The following TRIOBP variants were observed in gnomAD, a reference collection of about 807,000 sequenced individuals.
TRIOBP encodes TRIO and F-actin-binding protein.
Under a neutral mutation model 238.8 loss-of-function variants are expected in TRIOBP, and 169 were observed. The observed-to-expected ratio is 0.71, with a 90% confidence interval of 0.62 to 0.80. TRIOBP has a LOEUF of 0.80. TRIOBP is among the 30% of genes least tolerant of loss of function. The probability of loss-of-function intolerance (pLI) is 0.00; values close to 1 mark genes in which losing one functional copy is unlikely to be tolerated. For missense variants in TRIOBP, 2,838 were observed against 3,122.6 expected, an observed-to-expected ratio of 0.91 and a Z score of 2.17; for synonymous variants, 1,150 against 1,274.4, an observed-to-expected ratio of 0.90 and a Z score of 2.08.
intron 9 of TRIOBP, among the ~76,000 whole-genome samples, chr22:37,735,847 T>A (rs773472909): frequency 9.9e-5 from 15 of 152,238 alleles, no homozygotes; most frequent in Non-Finnish European, 1.8e-4. Context: ...GGCCAGGGCC[T>A]ATTCCCCTCC....
intron 3 of TRIOBP, among the ~76,000 whole-genome samples, chr22:37,707,012 A>T (rs1388417755): frequency 6.6e-6 from 1 of 152,128 alleles, no homozygotes; most frequent in Non-Finnish European, 1.5e-5. Flanking sequence ...TCACGCCTGT[A>T]ATCCCAGCAC....
Position 37,723,172 on chromosome 22 carries a change from C to T in TRIOBP, c.629-13C>T, listed in dbSNP as rs1195157360. On this transcript the variant is annotated splice_polypyrimidine_tract_variant and intron_variant, in intron 6 of 23. Transcript: ENST00000644935. The stretch of plus-strand genomic sequence containing the variant: ...CTCTCCCCTTACCTTGAGCCCCTCT[C>T]TTCTCTCTCCAGACACCGGCGGTGG... 1 of 1,613,690 alleles carries T rather than the reference C, an allele frequency of 6.2e-7. No individual in the cohort carries two copies. The highest frequency in any genetic ancestry group is 8.5e-7 in the Non-Finnish European group (1 of 1,179,808).
Position 37,713,199 on chromosome 22 carries a change from T to C in TRIOBP, c.255-11T>C, listed in dbSNP as rs200624451. The C allele has an allele frequency of 6.7e-5, 108 of 1,611,370 alleles. No homozygotes were observed. Among genetic ancestry groups the C allele is most frequent in the Non-Finnish European group, 8.7e-5 (103 of 1,178,992 alleles). On this transcript the variant is annotated splice_polypyrimidine_tract_variant and intron_variant, in intron 4 of 23. Coordinates refer to ENST00000644935, the MANE Select transcript of TRIOBP (RefSeq NM_001039141.3). ...CTCCCCATTACTTTTTGGGTCTGTCTCCTCTCCCAGGGGCCCATCCCCCTC... is the reference window on the plus strand; with the variant it reads ...CTCCCCATTACTTTTTGGGTCTGTCCCCTCTCCCAGGGGCCCATCCCCCTC...
Position 37,724,613 on chromosome 22 carries a change from C to T in TRIOBP, c.2057C>T (p.Ser686Phe). The change falls in exon 7 of 24, where the codon TCT becomes TTT. Residue 686 changes from serine to phenylalanine, a missense_variant. Around this residue, in one of 5 missense-constraint regions of TRIOBP, gnomAD observed 167 missense variants for 200.2 expected, o/e 0.83. Coordinates refer to ENST00000644935, the MANE Select transcript of TRIOBP (RefSeq NM_001039141.3). ...CALRDNPRAS[S>F]PSRTIQQENP... The stretch of plus-strand genomic sequence containing the variant: ...CTACGGGACAATCCCAGAGCCTCCT[C>T]TCCCAGCAGAACCATCCAACAAGAG... 1 of 1,612,314 alleles carries T rather than the reference C, an allele frequency of 6.2e-7. No homozygotes were observed. The highest frequency in any genetic ancestry group is 1.3e-5 in the African/African-American group (1 of 74,422).
rs1924052734 is a variant in TRIOBP at position 37,724,982 on chromosome 22, C to T, written c.2426C>T (p.Ala809Val). The T allele has an allele frequency of 6.2e-7, 1 of 1,613,930 alleles. No individual in the cohort carries two copies. The highest frequency in any genetic ancestry group is 2.2e-5 in the East Asian group (1 of 44,892). ...CTCAGAGCCTCCTCTCCCATCAGAG[C>T]CACCCAACAGGACAACCCCAGAACT... is the stretch of plus-strand genomic sequence containing the variant. The part of the protein sequence containing the change: ...DNLRASSPIR[A>V]TQQDNPRTCI... Residue 809 changes from alanine (A) to valine (V), a missense_variant, in exon 7 of 24, where the codon GCC (alanine) becomes GTC (valine). Ala to Val is a moderately conservative substitution (Grantham distance 64). Coordinates refer to ENST00000644935, the MANE Select transcript of TRIOBP (RefSeq NM_001039141.3).
chr22:37,766,366 T>G (rs1322622161), intron 18 of TRIOBP, among the ~76,000 whole-genome samples: 1 of 152,236 alleles, frequency 6.6e-6, no homozygotes, highest in Non-Finnish European at 1.5e-5. Context: ...TCACTAGGGG[T>G]TTGCAGAACA....
intron 6 of TRIOBP, 79 bp from the exon 7 acceptor site, chr22:37,723,106 C>A: frequency 6.7e-7 from 1 of 1,494,466 alleles, no homozygotes; most frequent in Non-Finnish European, 9.2e-7. Context: ...ATCACTGGTC[C>A]TAAGGGACAA....
At chr22:37,713,741 A>C (rs1365552393) in intron 5 of TRIOBP, among the ~76,000 whole-genome samples, 3 of 152,196 alleles carry the variant, frequency 2.0e-5, no homozygotes, top group Non-Finnish European at 2.9e-5. Flanking sequence ...GTCTAGCGCA[A>C]GAGTGGCACA....
chr22:37,765,817 G>A lies in TRIOBP; in HGVS notation c.6472G>A (p.Ala2158Thr), dbSNP rs746373124. Residue 2158 changes from alanine (A) to threonine (T), a missense_variant and splice_region_variant, in exon 18 of 24, where the codon GCC (alanine) becomes ACC (threonine). This residue lies in a region of TRIOBP where 2,096 missense variants were observed against 2,137.4 expected (regional missense o/e 0.98). Coordinates refer to ENST00000644935, the MANE Select transcript of TRIOBP (RefSeq NM_001039141.3). Reference sequence around the variant, plus strand: ...TGAGGAGACGGCAGCCACGGCCTCAGGTATGGACCCTGGGGGGGGCACAGT... The same window carrying A: ...TGAGGAGACGGCAGCCACGGCCTCAAGTATGGACCCTGGGGGGGGCACAGT... ...LAEETAATASAIEAMKKAYQE... is the reference protein window; with the variant it reads ...LAEETAATASTIEAMKKAYQE... 6.5e-7 allele frequency: 1 copy of A among 1,535,648 alleles called. No individual in the cohort carries two copies. The highest frequency in any genetic ancestry group is 2.4e-5 in the East Asian group (1 of 42,248).
At position 37,710,411 on chromosome 22, in the gene TRIOBP, T is replaced by C; in HGVS notation, c.115-16T>C. On this transcript the variant is annotated splice_polypyrimidine_tract_variant and intron_variant, in intron 3 of 23. Transcript: ENST00000644935. The stretch of plus-strand genomic sequence containing the variant: ...CGTGGGCGCTGAGCTGTCTCCTCTC[T>C]CCAACCCTGGCCCAGGAGCTCAGGA... 6.2e-7 allele frequency: 1 copy of C among 1,613,048 alleles called. No homozygotes were observed. The highest frequency in any genetic ancestry group is 8.5e-7 in the Non-Finnish European group (1 of 1,179,984).
In TRIOBP at chr22:37,726,213, G is replaced by T; in HGVS notation, c.3657G>T (p.Gly1219=). 1.2e-6 allele frequency: 2 copies of T among 1,600,664 alleles called. No homozygotes were observed. The highest frequency in any genetic ancestry group is 1.7e-6 in the Non-Finnish European group (2 of 1,173,842). Residue 1219 remains glycine (G), a synonymous_variant, in exon 7 of 24, where the codon GGG becomes GGT. Transcript: ENST00000644935. The stretch of plus-strand genomic sequence containing the variant: ...TGCTGATCCCCCAAGTGTGCATCGG[G>T]CACCGGGATGCACCCCGAGCCTCCT... The part of the protein sequence containing the change: ...SPVLIPQVCI[G]HRDAPRASSP...
intron 11 of TRIOBP, among the ~76,000 whole-genome samples, chr22:37,746,060 T>C (rs1336257473): frequency 2.3e-5 from 3 of 128,796 alleles, no homozygotes; most frequent in East Asian, 2.2e-4. Context: ...CGTCCCGCCG[T>C]CCCGCCGCCC....
rs377132789 is a variant in TRIOBP, at chr22:37,723,698, C to G, written c.1142C>G (p.Pro381Arg). Reference sequence around the variant, plus strand: ...CCCCAGCGGGAAAACCCCAGGACACCCTGTGTCCAGCAGGACGATCCCAGA... The same window carrying G: ...CCCCAGCGGGAAAACCCCAGGACACGCTGTGTCCAGCAGGACGATCCCAGA... ...CTPQRENPRT[P>R]CVQQDDPRAS... The change falls in exon 7 of 24, where the codon CCC (proline) becomes CGC (arginine). Residue 381 changes from proline to arginine, a missense_variant. By Grantham distance (103) the Pro-to-Arg change is moderately radical. Around this residue, in one of 5 missense-constraint regions of TRIOBP, gnomAD observed 535 missense variants for 537.3 expected, o/e 1.00. Coordinates refer to ENST00000644935, the MANE Select transcript of TRIOBP (RefSeq NM_001039141.3). 5.0e-6 allele frequency: 8 copies of G among 1,613,646 alleles called. No individual in the cohort carries two copies. The African/African-American group carries it at 6.7e-5, about 13-fold the overall frequency.
chr22:37,755,417 AC>A, intron 14 of TRIOBP, 132 bp from the exon 15 acceptor site: 1 of 954,630 alleles, frequency 1.0e-6, no homozygotes, highest in Non-Finnish European at 1.6e-6. Context: ...GAGGTTTTGT[AC>A]CCCCTGCCCA....
At chr22:37,747,691 C>G (rs1339563693) in intron 11 of TRIOBP, among the ~76,000 whole-genome samples, 2 of 152,226 alleles carry the variant, frequency 1.3e-5, no homozygotes, top group Non-Finnish European at 1.5e-5. Flanking sequence ...CCACCGGGTG[C>G]CTGCCCGGCC....
intron 8 of TRIOBP, among the ~76,000 whole-genome samples, chr22:37,733,721 A>T (rs1489081369): frequency 3.2e-5 from 4 of 124,792 alleles, no homozygotes; most frequent in Non-Finnish European, 6.2e-5. Flanking sequence ...CCCAGGCTGG[A>T]GTGCAGTGGG....
At chr22:37,719,410 G>T (rs2145828353) in intron 6 of TRIOBP, among the ~76,000 whole-genome samples, 1 of 152,066 alleles carries the variant, frequency 6.6e-6, no homozygotes, top group South Asian at 2.1e-4. Flanking sequence ...GCCCAGCGCT[G>T]GCTGTGCTGT....
At chr22:37,735,860 G>C (rs999062336) in intron 9 of TRIOBP, among the ~76,000 whole-genome samples, 2 of 152,158 alleles carry the variant, frequency 1.3e-5, no homozygotes, top group African/African-American at 4.8e-5. Flanking sequence ...TCCCCTCCTG[G>C]CTCCACCATA....
Position 37,734,802 on chromosome 22 carries a change from G to A in TRIOBP, c.4466G>A (p.Gly1489Glu), listed in dbSNP as rs764949556. The A allele has an allele frequency of 6.2e-7, 1 of 1,612,436 alleles. No individual in the cohort carries two copies. The highest frequency in any genetic ancestry group is 8.5e-7 in the Non-Finnish European group (1 of 1,179,832). ...TCCAGGGAGTACAAGGAGAGCTGGG[G>A]GCAGCCAGAGGCCTGGGAGGAGAAG... ...GTSREYKESW[G>E]QPEAWEEKPT... Residue 1489 changes from glycine to glutamate, a missense_variant, in exon 9 of 24, where the codon GGG becomes GAG. By Grantham distance (98) the Gly-to-Glu change is moderately conservative (BLOSUM62 -2). Coordinates refer to ENST00000644935, the MANE Select transcript of TRIOBP (RefSeq NM_001039141.3).
Sources: gnomAD v4.1 joint callset for allele counts (sites outside exome capture counted in the v4.1 genomes callset) on GRCh38, gnomAD v4.1.1 for gene constraint, gnomAD v4.1.1 regional missense constraint, MANE v1.5 for transcripts, NCBI Gene and HGNC (gene_info 2026-07-23, HGNC 2026-07-21) for gene names.